Variants in ATP10B observed in about 807,000 individuals in gnomAD.
The protein encoded by ATP10B is phospholipid-transporting ATPase VB.
In ATP10B, 122 loss-of-function variants were observed where a neutral mutation model predicts 141.2. The ratio of observed to expected loss-of-function variants is 0.86; its 90% CI spans 0.75 to 1.00. The LOEUF (loss-of-function observed/expected upper bound fraction) is 1.00. ATP10B is among the 50% of genes least tolerant of loss of function. ATP10B has a pLI of 0.00. For missense variants in ATP10B, 1,876 were observed against 1,825.3 expected (o/e 1.03, Z -0.51); for synonymous variants, 685 against 692.0 (o/e 0.99, Z 0.16).
chr5:160,898,978 C>T, the ATP10B span, among the ~76,000 whole-genome samples: 2 of 148,120 alleles, frequency 1.4e-5, no homozygotes, highest in South Asian at 4.3e-4. Context: ...GAACATCACA[C>T]ACTGGGGCCT....
At position 160,620,527 on chromosome 5, in the gene ATP10B, C is replaced by T. The variant is rs200756883; in HGVS notation, c.2236G>A (p.Val746Met). The part of the protein sequence containing the change: ...FTLVSRTPEQ[V>M]TVRLPQGTCL... Reference sequence around the variant, plus strand: ...GTGCCCTGGGGCAGGCGCACAGTCACCTGCTCAGGTGTCCGGGACACTAGT... The same window carrying T: ...GTGCCCTGGGGCAGGCGCACAGTCATCTGCTCAGGTGTCCGGGACACTAGT... The change falls in exon 15 of 26, where the codon GTG becomes ATG. Residue 746 changes from valine to methionine, a missense_variant. Coordinates refer to ENST00000327245, the MANE Select transcript of ATP10B (RefSeq NM_025153.3). The T allele has an allele frequency of 8.4e-5, 136 of 1,614,190 alleles. No individual in the cohort carries two copies. In the African/African-American group the frequency reaches 1.7e-3, roughly 20 times the overall value.
rs577943985 is a variant in ATP10B at position 160,636,283 on chromosome 5, C to T, written c.1027G>A (p.Glu343Lys). ...GGCACATCGAAGGGAGGGTGTTCTTCAAAGGTCCCATTCCAGATGCTGTGA... is the reference window on the plus strand; with the variant it reads ...GGCACATCGAAGGGAGGGTGTTCTTTAAAGGTCCCATTCCAGATGCTGTGA... The part of the protein sequence containing the change: ...VGHSIWNGTF[E>K]EHPPFDVPDA... The change falls in exon 11 of 26, where the codon GAA becomes AAA. Residue 343 changes from glutamate (E) to lysine (K), a missense_variant. Transcript: ENST00000327245. 1.9e-6 allele frequency: 3 copies of T among 1,613,400 alleles called. No homozygotes were observed. The highest frequency in any genetic ancestry group is 2.2e-5 in the South Asian group (2 of 90,896).
the ATP10B span, among the ~76,000 whole-genome samples, chr5:160,894,267 G>A: frequency 1.3e-5 from 2 of 152,042 alleles, no homozygotes; most frequent in South Asian, 4.1e-4. Flanking sequence ...AGCTAAAGCA[G>A]CATGTTCTAG....
chr5:160,881,233 A>G, the ATP10B span, among the ~76,000 whole-genome samples: 1 of 152,196 alleles, frequency 6.6e-6, no homozygotes, highest in African/African-American at 2.4e-5. Context: ...AACTAAAACA[A>G]CAACAGGATA....
At chr5:160,676,567 A>G (rs929507624) in intron 6 of ATP10B, among the ~76,000 whole-genome samples, 86 of 152,266 alleles carry the variant, frequency 5.6e-4, no homozygotes, top group African/African-American at 2.0e-3. Flanking sequence ...TTATATTTCT[A>G]TATGCACATA....
Position 160,622,513 on chromosome 5 carries a change from A to G in ATP10B, c.1693T>C (p.Ser565Pro). 6.2e-7 allele frequency: 1 copy of G among 1,614,104 alleles called. No individual in the cohort carries two copies. The change falls in exon 14 of 26, where the codon TCA becomes CCA. Residue 565 changes from serine (S) to proline (P), a missense_variant. Physicochemically the swap from Ser to Pro is moderately conservative, Grantham distance 74. Coordinates refer to ENST00000327245, the MANE Select transcript of ATP10B (RefSeq NM_025153.3). ...RDAALWLETL[S>P]DSRPAKASLS... ...GAAGCCTTGGCAGGTCTGCTGTCTGACAAGGTCTCCAACCACAGGGCAGCA... is the reference window on the plus strand; with the variant it reads ...GAAGCCTTGGCAGGTCTGCTGTCTGGCAAGGTCTCCAACCACAGGGCAGCA...
the ATP10B span, among the ~76,000 whole-genome samples, chr5:160,922,238 T>A: frequency 1.3e-5 from 2 of 152,116 alleles, no homozygotes; most frequent in African/African-American, 4.8e-5. Flanking sequence ...GGCACTGAGG[T>A]CTGGGTTTAT....
intron 3 of ATP10B, among the ~76,000 whole-genome samples, chr5:160,702,118 A>C (rs185759392): frequency 6.6e-6 from 1 of 152,376 alleles, no homozygotes; most frequent in Non-Finnish European, 1.5e-5. Context: ...CTTCCTAGGT[A>C]CAATGACTGA....
At chr5:160,903,942 T>C in the ATP10B span, among the ~76,000 whole-genome samples, 1 of 152,112 alleles carries the variant, frequency 6.6e-6, no homozygotes, top group South Asian at 2.1e-4. Flanking sequence ...GCAGAACATA[T>C]GGGAAGTCAG....
rs1459342824 is a variant in ATP10B at position 160,711,649 on chromosome 5, G to A, written c.-205+5260C>T. ...CCCTGGCCAGAACTTCCAACACTAT[G>A]TTGAATAGGAGTTGTGAGAGAGGGC... On this transcript the variant is annotated intron_variant, in intron 3 of 25. Coordinates refer to ENST00000327245, the MANE Select transcript of ATP10B (RefSeq NM_025153.3). 3.3e-3 allele frequency among the ~76,000 whole-genome samples: 96 copies of A among 29,344 alleles called. 42 individuals carry two copies. The highest frequency in any genetic ancestry group is 0.01 in the African/African-American group (81 of 8,082). 19.3% of individuals were successfully genotyped at this position (29,344 alleles called of 152,430 possible).
intron 1 of ATP10B, among the ~76,000 whole-genome samples, chr5:160,821,636 C>T (rs1432389371): frequency 1.3e-5 from 2 of 152,038 alleles, no homozygotes; most frequent in African/African-American, 2.4e-5. Flanking sequence ...ACCAAAACAG[C>T]ATGGTACCGG....
intron 1 of ATP10B, among the ~76,000 whole-genome samples, chr5:160,822,516 A>G (rs921317335): frequency 2.6e-5 from 4 of 152,094 alleles, no homozygotes; most frequent in Non-Finnish European, 5.9e-5. Flanking sequence ...ATAGGTATAT[A>G]CCCCAAAGAA....
rs887757270 is a variant in ATP10B, at chr5:160,612,797, A to C, written c.2782T>G (p.Ser928Ala). Reference sequence around the variant, plus strand: ...TCGGTCTGATTTAACAGTCTGCAGGAATGGGCAATGTTGACCGCTGTCTCC... The same window carrying C: ...TCGGTCTGATTTAACAGTCTGCAGGCATGGGCAATGTTGACCGCTGTCTCC... ...KQETAVNIAH[S>A]CRLLNQTDTV... Residue 928 changes from serine (S) to alanine (A), a missense_variant, in exon 18 of 26, where the codon TCC (serine) becomes GCC (alanine). Coordinates refer to ENST00000327245, the MANE Select transcript of ATP10B (RefSeq NM_025153.3). 5 of 1,613,912 alleles carry C rather than the reference A, an allele frequency of 3.1e-6. No individual in the cohort carries two copies. In the African/African-American group the frequency reaches 5.3e-5, roughly 17 times the overall value.
chr5:160,773,360 G>A (rs1770047235), intron 2 of ATP10B, among the ~76,000 whole-genome samples: 1 of 152,170 alleles, frequency 6.6e-6, no homozygotes, highest in African/African-American at 2.4e-5. Flanking sequence ...CAGGCTGGAT[G>A]GGTAGGAAGT....
intron 1 of ATP10B, 36 bp downstream of exon 1, chr5:160,851,905 C>T (rs1753835863): frequency 6.6e-6 from 1 of 152,110 alleles, no homozygotes; most frequent in Non-Finnish European, 1.5e-5. Flanking sequence ...ATTACTCCCC[C>T]ATTATATAGG....
At chr5:160,691,523 T>C (rs1260858369) in intron 3 of ATP10B, among the ~76,000 whole-genome samples, 2 of 152,218 alleles carry the variant, frequency 1.3e-5, no homozygotes, top group Non-Finnish European at 2.9e-5. Context: ...TTGTATATAA[T>C]GGTCCTTCTC....
chr5:160,717,078 C>T, intron 2 of ATP10B, 44 bp from the exon 3 acceptor site: 1 of 980,118 alleles, frequency 1.0e-6, no homozygotes, highest in Non-Finnish European at 1.2e-6. Context: ...ACTAACAGTT[C>T]AGTTATAAAT....
chr5:160,634,190 C>G (rs745838581), intron 12 of ATP10B, 164 bp downstream of exon 12: 4 of 948,944 alleles, frequency 4.2e-6, no homozygotes, highest in Non-Finnish European at 6.8e-6. Context: ...TTGGAACAGC[C>G]CTGATCTGTG....
intron 1 of ATP10B, among the ~76,000 whole-genome samples, chr5:160,788,122 G>C (rs767587659): frequency 6.6e-6 from 1 of 152,164 alleles, no homozygotes; most frequent in Non-Finnish European, 1.5e-5. Context: ...TCTCCAGTGA[G>C]ATGACCTCTA....
Sources: gnomAD v4.1 joint callset for allele counts (sites outside exome capture counted in the v4.1 genomes callset) on GRCh38, gnomAD v4.1.1 for gene constraint, MANE v1.5 for transcripts, NCBI Gene and HGNC (gene_info 2026-07-23, HGNC 2026-07-21) for gene names.